Variants in MYSM1 observed in about 807,000 individuals in gnomAD.
MYSM1 encodes the protein deubiquitinase MYSM1.
Under a neutral mutation model 116.0 loss-of-function variants are expected in MYSM1, and 51 were observed. That is an observed-to-expected ratio of 0.44 (90% CI 0.35 to 0.56). The LOEUF (loss-of-function observed/expected upper bound fraction) is 0.56. Among genes scored for constraint, MYSM1 ranks in the 20% least tolerant of loss-of-function variants. MYSM1 has a pLI of 0.00. For missense variants in MYSM1, 900 were observed against 974.9 expected, an observed-to-expected ratio of 0.92 and a Z score of 1.02; for synonymous variants, 313 against 315.2, an observed-to-expected ratio of 0.99 and a Z score of 0.07.
chr1:58,682,222 C>T lies in MYSM1; in HGVS notation c.822G>A (p.Lys274=). Residue 274 remains lysine, a synonymous_variant, in exon 8 of 20, where the codon AAG becomes AAA. Transcript: ENST00000472487. The stretch of plus-strand genomic sequence containing the variant: ...CATTTTGAAGACAGCCCCTGGAAGA[C>T]TTAGAAAAGAGAGCTTCCTGGCTGT... The part of the protein sequence containing the change: ...TSDSQEALFS[K]SSRGCLQNEK... The T allele has an allele frequency of 6.2e-7, 1 of 1,613,110 alleles. No homozygotes were observed. Among genetic ancestry groups the T allele is most frequent in the Non-Finnish European group, 8.5e-7 (1 of 1,179,188 alleles).
chr1:58,684,867 T>C (rs1644804653), intron 7 of MYSM1, among the ~76,000 whole-genome samples: 1 of 152,170 alleles, frequency 6.6e-6, no homozygotes, highest in Non-Finnish European at 1.5e-5. Context: ...ATAAGATCTC[T>C]AAGGTTTTCT....
intron 3 of MYSM1, among the ~76,000 whole-genome samples, chr1:58,692,089 T>C (rs1311789196): frequency 6.6e-6 from 1 of 152,172 alleles, no homozygotes; most frequent in Non-Finnish European, 1.5e-5. Context: ...TAATCTAGGC[T>C]ATAACTGCAA....
Position 58,659,963 on chromosome 1 carries a change from G to A in MYSM1, c.*34C>T. Reference sequence around the variant, plus strand: ...TATAACTTTGAAAGTAAGATCTACTGTGTCAAGATTAAAATGTCTTAACTT... The same window carrying A: ...TATAACTTTGAAAGTAAGATCTACTATGTCAAGATTAAAATGTCTTAACTT... On this transcript the variant is annotated 3_prime_UTR_variant, in exon 20 of 20. Coordinates refer to ENST00000472487, the MANE Select transcript of MYSM1 (RefSeq NM_001085487.3). 7.6e-7 allele frequency: 1 copy of A among 1,318,488 alleles called. No homozygotes were observed. The highest frequency in any genetic ancestry group is 1.0e-6 in the Non-Finnish European group (1 of 983,868). 81.7% of individuals were successfully genotyped at this position (1,318,488 alleles called of 1,614,324 possible). A position where few individuals can be genotyped will look rare whatever the true frequency, so the allele number is the denominator to read the frequency against.
At chr1:58,692,620 C>A in intron 3 of MYSM1, 2 of 358,440 alleles carry the variant, frequency 5.6e-6, no homozygotes, top group Non-Finnish European at 1.0e-5. Context: ...ATTCAGATAT[C>A]ATAAACAGTT....
chr1:58,688,749 G>T (rs1166565706), intron 6 of MYSM1, among the ~76,000 whole-genome samples: 1 of 151,864 alleles, frequency 6.6e-6, no homozygotes, highest in Non-Finnish European at 1.5e-5. Context: ...GGTAGTTGGT[G>T]TCATGTATAC....
chr1:58,665,954 G>A (rs1644462820), intron 16 of MYSM1, among the ~76,000 whole-genome samples: 1 of 152,094 alleles, frequency 6.6e-6, no homozygotes, highest in South Asian at 2.1e-4. Context: ...CTACTCAGGA[G>A]GCTGAGGCAG....
At chr1:58,690,137 T>C (rs1014691278) in intron 5 of MYSM1, 89 bp downstream of exon 5, 1 of 1,104,390 alleles carries the variant, frequency 9.1e-7, no homozygotes, top group African/African-American at 1.6e-5. Flanking sequence ...AGAGGGCTTT[T>C]CCACAGGCCA....
At chr1:58,682,752 G>A (rs113260438) in intron 7 of MYSM1, among the ~76,000 whole-genome samples, 3 of 150,042 alleles carry the variant, frequency 2.0e-5, no homozygotes, top group African/African-American at 7.4e-5. Context: ...CTGGAGTGCA[G>A]TGGCGCAATC....
In MYSM1 at chr1:58,692,938, A is replaced by G. The variant is rs1273273284; in HGVS notation, c.148-7T>C. Reference sequence around the variant, plus strand: ...TGTTATCCAAGGTCCAAGGCTATTAAAAAAGAGAATATATTTGTCTTTTTA... The same window carrying G: ...TGTTATCCAAGGTCCAAGGCTATTAGAAAAGAGAATATATTTGTCTTTTTA... On this transcript the variant is annotated splice_polypyrimidine_tract_variant and splice_region_variant and intron_variant, in intron 2 of 19. Coordinates refer to ENST00000472487, the MANE Select transcript of MYSM1 (RefSeq NM_001085487.3). 1 of 1,585,348 alleles carries G rather than the reference A, an allele frequency of 6.3e-7. No homozygotes were observed.
chr1:58,660,001 A>G lies in MYSM1; in HGVS notation c.2483T>C (p.Met828Thr). Residue 828 changes from methionine (M) to threonine (T), a missense_variant, in exon 20 of 20, where the codon ATG becomes ACG. Physicochemically the swap from Met to Thr is moderately conservative, Grantham distance 81. This residue lies in a region of MYSM1 where 186 missense variants were observed against 196.2 expected (regional missense o/e 0.95). Coordinates refer to ENST00000472487, the MANE Select transcript of MYSM1 (RefSeq NM_001085487.3). Reference sequence around the variant, plus strand: ...AATGTCTTAACTTTAAAATAATCACATTAACAATTCCTTTGTACAGTTCTC... The same window carrying G: ...AATGTCTTAACTTTAAAATAATCACGTTAACAATTCCTTTGTACAGTTCTC... ...TEENCTKELL[M>T] The G allele has an allele frequency of 6.5e-7, 1 of 1,547,944 alleles. No homozygotes were observed. Among genetic ancestry groups the G allele is most frequent in the Non-Finnish European group, 8.7e-7 (1 of 1,145,684 alleles).
chr1:58,680,026 C>CAAAA lies in MYSM1; in HGVS notation c.1259+1755_1259+1758dup, dbSNP rs6143231. ...TGGGAGAAAGAGTGAGACTCTGTCT[C>CAAAA]AAAAAAAAAAAAAAAAAAAAAAAGG... is the stretch of plus-strand genomic sequence containing the variant. On this transcript the variant is annotated intron_variant, in intron 8 of 19. Coordinates refer to ENST00000472487, the MANE Select transcript of MYSM1 (RefSeq NM_001085487.3). 2.9e-3 allele frequency among the ~76,000 whole-genome samples: 364 copies of CAAAA among 126,862 alleles called. 11 individuals are homozygous for CAAAA. The highest frequency in any genetic ancestry group is 0.011 in the African/African-American group (348 of 32,520). 83.2% of individuals were successfully genotyped at this position (126,862 alleles called of 152,430 possible).
At chr1:58,689,351 T>G (rs1644872007) in intron 5 of MYSM1, 1 of 422,076 alleles carries the variant, frequency 2.4e-6, no homozygotes, top group African/African-American at 2.1e-5. Flanking sequence ...AATCCTTGGG[T>G]CTGAGTGAGG....
At chr1:58,668,487 G>T (rs774486802) in intron 14 of MYSM1, 145 bp downstream of exon 14, 4 of 1,360,602 alleles carry the variant, frequency 2.9e-6, no homozygotes, top group African/African-American at 1.5e-5. Flanking sequence ...TTCTCCAAAA[G>T]AAAAGACTTA....
At position 58,669,055 on chromosome 1, in the gene MYSM1, A is replaced by G; in HGVS notation, c.1662-17T>C. The stretch of plus-strand genomic sequence containing the variant: ...TCAAACGAGCTGAAAAAGAAAAAAA[A>G]TTTTCAATACAATCTCAACAAGATT... On this transcript the variant is annotated splice_polypyrimidine_tract_variant and intron_variant, in intron 12 of 19. Transcript: ENST00000472487. 7 of 1,546,674 alleles carry G rather than the reference A, an allele frequency of 4.5e-6. No individual in the cohort carries two copies. In the South Asian group the frequency reaches 8.3e-5, roughly 18 times the overall value.
intron 15 of MYSM1, 53 bp downstream of exon 15, chr1:58,667,794 G>T: frequency 1.0e-6 from 1 of 992,888 alleles, no homozygotes; most frequent in Non-Finnish European, 1.6e-6. Context: ...AAAATATTTG[G>T]TATGGTAGTA....
chr1:58,680,672 A>G (rs866218210), intron 8 of MYSM1, among the ~76,000 whole-genome samples: 6 of 152,218 alleles, frequency 3.9e-5, no homozygotes, highest in Admixed American at 1.3e-4. Flanking sequence ...GAAGTTAACA[A>G]TAGCAATAGG....
Position 58,655,529 on chromosome 1 carries a change from T to G in MYSM1, c.*4468A>C, listed in dbSNP as rs1015124470. ...ATTCCCTCCCTTGTTCCAGGAAAAA[T>G]GTAAGGTGGCTTAGAAGATAGACTC... is the stretch of plus-strand genomic sequence containing the variant. On this transcript the variant is annotated 3_prime_UTR_variant, in exon 20 of 20. Transcript: ENST00000472487. 2 of 152,104 alleles carry G rather than the reference T, an allele frequency of 1.3e-5. No homozygotes were observed. The highest frequency in any genetic ancestry group is 2.4e-5 in the African/African-American group (1 of 41,424). The allele number at this position is 152,104 out of a possible 1,614,324, so 9.4% of individuals were successfully genotyped here.
At position 58,699,975 on chromosome 1, in the gene MYSM1, T is replaced by G. The variant is rs1004508636; in HGVS notation, c.68+10A>C. ...CTCCGCCCCAGAGAGACCCGGTCTC[T>G]AAGCCTCACCCTGGCTGTGCCCCCG... On this transcript the variant is annotated intron_variant, in intron 1 of 19. Transcript: ENST00000472487. 1.2e-6 allele frequency: 2 copies of G among 1,613,382 alleles called. No individual in the cohort carries two copies. The highest frequency in any genetic ancestry group is 1.7e-6 in the Non-Finnish European group (2 of 1,179,982).
At chr1:58,680,885 G>A (rs912203403) in intron 8 of MYSM1, among the ~76,000 whole-genome samples, 16 of 151,002 alleles carry the variant, frequency 1.1e-4, no homozygotes, top group African/African-American at 1.7e-4. Flanking sequence ...GCAGTGGCAC[G>A]ATCTCGGCTC....
Sources: allele counts gnomAD v4.1 joint callset (sites outside exome capture counted in the v4.1 genomes callset), GRCh38; gene constraint gnomAD v4.1.1; regional missense constraint gnomAD v4.1.1; transcripts MANE v1.5; gene names NCBI Gene and HGNC (gene_info 2026-07-23, HGNC 2026-07-21).